FAM53C: variants seen among roughly 807,000 people sequenced by gnomAD.
FAM53C encodes protein FAM53C.
FAM53C carries 10 observed loss-of-function variants against 34.7 expected under a neutral mutation model. That is an observed-to-expected ratio of 0.29 (90% CI 0.18 to 0.49). FAM53C has a LOEUF of 0.49. FAM53C is among the 20% of genes least tolerant of loss of function. The pLI is 0.99. For missense variants in FAM53C, 442 were observed against 515.3 expected, an observed-to-expected ratio of 0.86 and a Z score of 1.38; for synonymous variants, 203 against 203.6, an observed-to-expected ratio of 1.00 and a Z score of 0.03.
In FAM53C at chr5:138,345,232, T is replaced by C; in HGVS notation, c.544T>C (p.Cys182Arg). 6.2e-7 allele frequency: 1 copy of C among 1,614,214 alleles called. No individual in the cohort carries two copies. The highest frequency in any genetic ancestry group is 8.5e-7 in the Non-Finnish European group (1 of 1,180,028). The change falls in exon 4 of 5, where the codon TGT becomes CGT. Residue 182 changes from cysteine (C) to arginine (R), a missense_variant. By Grantham distance (180) the Cys-to-Arg change is radical. Transcript: ENST00000239906. The surrounding 1 kb of genome is among the most constrained non-coding windows in gnomAD (Gnocchi z 6.3). ...CCAAGCTCCCAGTGCCTCTTCTCAA[T>C]GTGCCCCAGCTCACAGACCCTACAG... ...FLQAPSASSQ[C>R]APAHRPYSPP...
chr5:138,343,510 C>CA (rs548727260), intron 3 of FAM53C, among the ~76,000 whole-genome samples: 1,092 of 76,966 alleles, frequency 0.014, 16 homozygotes, highest in East Asian at 0.041. Context: ...GATTCCATCT[C>CA]AAAAAAAAAA....
intron 1 of FAM53C, among the ~76,000 whole-genome samples, chr5:138,339,804 C>G (rs1286653595): frequency 6.6e-6 from 1 of 152,252 alleles, no homozygotes; most frequent in Non-Finnish European, 1.5e-5. Flanking sequence ...TGATTGACTT[C>G]TCTTGCACCT....
chr5:138,346,680 G>C, intron 4 of FAM53C, 22 bp from the exon 5 acceptor site: 1 of 1,613,790 alleles, frequency 6.2e-7, no homozygotes, highest in Non-Finnish European at 8.5e-7. Flanking sequence ...AGGTGTAACT[G>C]TCTTCTTTGT....
rs566956604 is a variant in FAM53C, at chr5:138,345,060, C to A, written c.372C>A (p.Pro124=). The change falls in exon 4 of 5, where the codon CCC becomes CCA. Residue 124 remains proline (P), a synonymous_variant. Transcript: ENST00000239906. The surrounding 1 kb of genome is among the most constrained non-coding windows in gnomAD (Gnocchi z 6.3). The part of the protein sequence containing the change: ...SKRHCRSLSV[P]VDLSRWQPVW... ...GGCACTGCCGCTCACTCTCAGTGCCCGTGGACCTGTCTCGCTGGCAGCCGG... is the reference window on the plus strand; with the variant it reads ...GGCACTGCCGCTCACTCTCAGTGCCAGTGGACCTGTCTCGCTGGCAGCCGG... 6.2e-7 allele frequency: 1 copy of A among 1,614,000 alleles called. No individual in the cohort carries two copies. Among genetic ancestry groups the A allele is most frequent in the Admixed American group, 1.7e-5 (1 of 60,028 alleles).
At chr5:138,344,268 C>T (rs1761108271) in intron 3 of FAM53C, among the ~76,000 whole-genome samples, 1 of 152,184 alleles carries the variant, frequency 6.6e-6, no homozygotes, top group Non-Finnish European at 1.5e-5. Context: ...CCCTGTTTGC[C>T]CTCCCTAGGA....
rs1209852535 is a variant in FAM53C, at chr5:138,338,278, G to A, written c.-182G>A. ...GAACCGAGCGCTCAGAGCTGCTCCG[G>A]CCGCGGCCCTGGGAGCTGGAGGAAC... On this transcript the variant is annotated 5_prime_UTR_variant, in exon 1 of 5. Transcript: ENST00000239906. The A allele has an allele frequency of 1.1e-6, 1 of 911,314 alleles. No homozygotes were observed. Among genetic ancestry groups the A allele is most frequent in the South Asian group, 1.4e-5 (1 of 73,472 alleles). The allele number at this position is 911,314 out of a possible 1,614,324, so 56.5% of individuals were successfully genotyped here. A position where few individuals can be genotyped will look rare whatever the true frequency, so the allele number is the denominator to read the frequency against.
intron 4 of FAM53C, among the ~76,000 whole-genome samples, 186 bp from the exon 5 acceptor site, chr5:138,346,516 G>C (rs942881045): frequency 6.6e-6 from 1 of 152,154 alleles, no homozygotes; most frequent in African/African-American, 2.4e-5. Context: ...CCCAGCTACT[G>C]GGGAGGCTGA....
chr5:138,345,217 A>C lies in FAM53C; in HGVS notation c.529A>C (p.Ser177Arg). 6.2e-7 allele frequency: 1 copy of C among 1,614,150 alleles called. No homozygotes were observed. The highest frequency in any genetic ancestry group is 8.5e-7 in the Non-Finnish European group (1 of 1,179,994). ...VSSLRFLQAP[S>R]ASSQCAPAHR... The stretch of plus-strand genomic sequence containing the variant: ...CAGCCTCAGGTTCCTCCAAGCTCCC[A>C]GTGCCTCTTCTCAATGTGCCCCAGC... The change falls in exon 4 of 5, where the codon AGT becomes CGT. Residue 177 changes from serine (S) to arginine (R), a missense_variant. Physicochemically the swap from Ser to Arg is moderately radical, Grantham distance 110 (BLOSUM62 -1). Transcript: ENST00000239906. This position sits in a 1 kb window ranked among gnomAD's most constrained non-coding sequence, Gnocchi z 6.3.
At chr5:138,338,050 G>C (rs1432839704), upstream of FAM53C, 4 of 1,289,758 alleles carry the variant, frequency 3.1e-6, no homozygotes, top group Non-Finnish European at 3.0e-6. Flanking sequence ...TGACTCGTTA[G>C]TGAGGAAACC....
chr5:138,347,122 C>A lies in FAM53C; in HGVS notation c.*163C>A. 1.0e-6 allele frequency: 1 copy of A among 978,558 alleles called. No individual in the cohort carries two copies. Among genetic ancestry groups the A allele is most frequent in the Non-Finnish European group, 1.5e-6 (1 of 663,574 alleles). The allele number at this position is 978,558 out of a possible 1,614,324, so 60.6% of individuals were successfully genotyped here. A position where few individuals can be genotyped will look rare whatever the true frequency, so the allele number is the denominator to read the frequency against. The stretch of plus-strand genomic sequence containing the variant: ...TCTCGCTCCAGCAAGCTCGACCATG[C>A]CAAGAGACTGGCCGGGACAAGATAA... On this transcript the variant is annotated 3_prime_UTR_variant, in exon 5 of 5. Transcript: ENST00000239906.
rs776153922 is a variant in FAM53C at position 138,344,948 on chromosome 5, C to G, written c.260C>G (p.Pro87Arg). Residue 87 changes from proline (P) to arginine (R), a missense_variant, in exon 4 of 5, where the codon CCC becomes CGC. Physicochemically the swap from Pro to Arg is moderately radical, Grantham distance 103 (BLOSUM62 -2). Coordinates refer to ENST00000239906, the MANE Select transcript of FAM53C (RefSeq NM_016605.3). ...HLRPPSRGNS[P>R]KEQPFSQVLR... Reference sequence around the variant, plus strand: ...AGACCACCCAGTCGGGGAAACTCCCCCAAGGAGCAGCCCTTCTCCCAAGTC... The same window carrying G: ...AGACCACCCAGTCGGGGAAACTCCCGCAAGGAGCAGCCCTTCTCCCAAGTC... 1.9e-6 allele frequency: 3 copies of G among 1,614,168 alleles called. No individual in the cohort carries two copies. Among genetic ancestry groups the G allele is most frequent in the Admixed American group, 1.7e-5 (1 of 60,026 alleles).
In FAM53C at chr5:138,341,291, C is replaced by G. The variant is rs754581432; in HGVS notation, c.-45C>G. The G allele has an allele frequency of 2.0e-6, 3 of 1,498,256 alleles. No homozygotes were observed. In the Admixed American group the frequency reaches 5.0e-5, roughly 25 times the overall value. 92.8% of individuals were successfully genotyped at this position (1,498,256 alleles called of 1,614,324 possible). On this transcript the variant is annotated 5_prime_UTR_variant, in exon 2 of 5. In the 5' UTR this introduces an upstream ATG that the reference lacks. Coordinates refer to ENST00000239906, the MANE Select transcript of FAM53C (RefSeq NM_016605.3). ...TCTGGAAGAACAACAGGGAAGACAT[C>G]CATCATTTGCTCCAAAGTGTGCAAG... is the stretch of plus-strand genomic sequence containing the variant.
chr5:138,341,715 C>A, intron 2 of FAM53C, 94 bp from the exon 3 acceptor site: 2 of 1,115,774 alleles, frequency 1.8e-6, no homozygotes, highest in Non-Finnish European at 2.8e-6. Context: ...ATCCCTGTAG[C>A]TCATGAATCG....
rs1362178972 is a variant in FAM53C at position 138,347,459 on chromosome 5, A to G, written c.*500A>G. ...GGCAATTGCTCCTTAACAGCAGAGT[A>G]TCATGATACCCCCAGGATCTTGAGT... On this transcript the variant is annotated 3_prime_UTR_variant, in exon 5 of 5. Coordinates refer to ENST00000239906, the MANE Select transcript of FAM53C (RefSeq NM_016605.3). 4 of 165,520 alleles carry G rather than the reference A, an allele frequency of 2.4e-5. No individual in the cohort carries two copies. Among genetic ancestry groups the G allele is most frequent in the South Asian group, 1.4e-4 (1 of 7,076 alleles). The allele number at this position is 165,520 out of a possible 1,614,324, so 10.3% of individuals were successfully genotyped here.
chr5:138,346,643 A>G, intron 4 of FAM53C, 59 bp from the exon 5 acceptor site: 1 of 1,603,242 alleles, frequency 6.2e-7, no homozygotes, highest in Non-Finnish European at 8.5e-7. Context: ...AAGTTTACAA[A>G]CCTCACCCTA....
Position 138,345,513 on chromosome 5 carries a change from T to G in FAM53C, c.825T>G (p.Pro275=), listed in dbSNP as rs764764109. The G allele has an allele frequency of 6.2e-7, 1 of 1,614,054 alleles. No individual in the cohort carries two copies. The highest frequency in any genetic ancestry group is 1.1e-5 in the South Asian group (1 of 91,078). Residue 275 remains proline, a synonymous_variant, in exon 4 of 5, where the codon CCT becomes CCG. Transcript: ENST00000239906. This position sits in a 1 kb window ranked among gnomAD's most constrained non-coding sequence, Gnocchi z 6.3. ...ACCTTCCCCGAAGCCGCTCACAGCC[T>G]TGTGATCTGGATGCCCGCAAAACTG... The part of the protein sequence containing the change: ...LRNLPRSRSQ[P]CDLDARKTGV...
rs1761125117 is a variant in FAM53C at position 138,344,929 on chromosome 5, C to A, written c.241C>A (p.Pro81Thr). Reference protein sequence around the residue: ...PSGLSLHLRPPSRGNSPKEQP... With the variant: ...PSGLSLHLRPTSRGNSPKEQP... ...AGGCCTGAGCCTGCACCTCAGACCA[C>A]CCAGTCGGGGAAACTCCCCCAAGGA... Residue 81 changes from proline to threonine, a missense_variant, in exon 4 of 5, where the codon CCC (proline) becomes ACC (threonine). Transcript: ENST00000239906. 1 of 1,614,022 alleles carries A rather than the reference C, an allele frequency of 6.2e-7. No homozygotes were observed. The highest frequency in any genetic ancestry group is 1.3e-5 in the African/African-American group (1 of 74,932).
rs1024447688 is a variant in FAM53C, at chr5:138,338,594, C to A, written c.-153+287C>A. On this transcript the variant is annotated intron_variant, in intron 1 of 4. Coordinates refer to ENST00000239906, the MANE Select transcript of FAM53C (RefSeq NM_016605.3). ...CCCTGAGCGAGCCCTGGCGCACCCC[C>A]CCCCCCGCCCCGGGGACCAGCGGAC... is the stretch of plus-strand genomic sequence containing the variant. Among the ~76,000 whole-genome samples, 36 of 149,594 alleles carry A rather than the reference C, an allele frequency of 2.4e-4. 1 individual carries two copies. In the East Asian group the frequency reaches 6.9e-3, roughly 29 times the overall value.
At chr5:138,340,000 C>T (rs567444483) in intron 1 of FAM53C, among the ~76,000 whole-genome samples, 31 of 152,234 alleles carry the variant, frequency 2.0e-4, no homozygotes, top group African/African-American at 5.3e-4. Flanking sequence ...TGGTATTCAG[C>T]CAGAGAGATG....
Sources: gnomAD v4.1 joint callset for allele counts (sites outside exome capture counted in the v4.1 genomes callset) on GRCh38, gnomAD v4.1.1 for gene constraint, Gnocchi (gnomAD v3.1) non-coding constraint, MANE v1.5 for transcripts, NCBI Gene and HGNC (gene_info 2026-07-23, HGNC 2026-07-21) for gene names.